Variants in PHF24 observed in about 807,000 individuals in gnomAD.
PHF24 encodes the protein Galpha inhibitory interacting protein.
A neutral mutation model predicts 42.6 loss-of-function variants in PHF24; 25 were observed. The ratio of observed to expected loss-of-function variants is 0.59; its 90% CI spans 0.43 to 0.82. PHF24 has a LOEUF of 0.82. PHF24 is among the 40% of genes least tolerant of loss of function. The pLI is 0.00. For synonymous variants in PHF24, 185 were observed against 204.8 expected (o/e 0.90, Z 0.83); for missense variants, 470 against 538.1 (o/e 0.87, Z 1.25).
the PHF24 span, chr9:34,836,097 A>G: frequency 3.5e-5 from 18 of 510,824 alleles, no homozygotes; most frequent in African/African-American, 7.7e-5. Context: ...AGTAGCATCT[A>G]CCTTCTTGGA....
At chr9:34,754,822 C>A in the PHF24 span, among the ~76,000 whole-genome samples, 2 of 152,110 alleles carry the variant, frequency 1.3e-5, no homozygotes, top group Non-Finnish European at 2.9e-5. Flanking sequence ...CAGCAGATGA[C>A]TTGATAAAGC....
the PHF24 span, chr9:34,710,010 G>A: frequency 1.2e-6 from 2 of 1,614,110 alleles, no homozygotes; most frequent in Non-Finnish European, 1.7e-6. Flanking sequence ...CTTGGGTCCT[G>A]GGGATGCCAA....
the PHF24 span, among the ~76,000 whole-genome samples, chr9:34,759,298 T>C: frequency 6.6e-6 from 1 of 152,176 alleles, no homozygotes; most frequent in East Asian, 1.9e-4. Context: ...CATAGAATTG[T>C]TCAAACAAGC....
At chr9:34,956,070 T>C (rs1375939085), upstream of PHF24, among the ~76,000 whole-genome samples, 1 of 152,236 alleles carries the variant, frequency 6.6e-6, no homozygotes, top group Non-Finnish European at 1.5e-5. Context: ...TCTCCCACCT[T>C]GGAACTTCCA....
chr9:34,980,371 C>T (rs1305915138), exon 8 of PHF24: 1 of 152,286 alleles, frequency 6.6e-6, no homozygotes, highest in African/African-American at 2.4e-5. Context: ...TCTCCCTATT[C>T]CAGAACAGCA....
chr9:34,832,352 G>A, the PHF24 span: 2 of 748,656 alleles, frequency 2.7e-6, no homozygotes, highest in South Asian at 3.2e-5. Flanking sequence ...GACGAGGACA[G>A]TGGTGGGGGT....
the PHF24 span, among the ~76,000 whole-genome samples, chr9:34,901,236 A>G: frequency 6.6e-6 from 1 of 152,254 alleles, no homozygotes; most frequent in Non-Finnish European, 1.5e-5. Context: ...ATACTTCTCA[A>G]TTCATTGTTT....
chr9:34,732,110 C>A, the PHF24 span, among the ~76,000 whole-genome samples: 1 of 151,846 alleles, frequency 6.6e-6, no homozygotes, highest in Non-Finnish European at 1.5e-5. Flanking sequence ...GATCCTCCCA[C>A]CTCGGCCTCC....
At chr9:34,837,646 G>A in the PHF24 span, 1 of 1,515,592 alleles carries the variant, frequency 6.6e-7, no homozygotes, top group African/African-American at 1.4e-5. Context: ...GAGAGATTGG[G>A]ACTTCACCTG....
At chr9:34,712,202 A>C in the PHF24 span, among the ~76,000 whole-genome samples, 1 of 152,030 alleles carries the variant, frequency 6.6e-6, no homozygotes, top group East Asian at 1.9e-4. Context: ...TCTCTTGTAC[A>C]TAATGAGTTA....
At chr9:34,689,987 G>A in the PHF24 span, 1 of 1,614,136 alleles carries the variant, frequency 6.2e-7, no homozygotes, top group East Asian at 2.2e-5. The surrounding 1 kb of genome is among the most constrained non-coding windows in gnomAD (Gnocchi z 4.1). Flanking sequence ...GCTGGTCTGG[G>A]GGTGCACAGA....
chr9:34,779,720 A>ATTGTT, the PHF24 span, among the ~76,000 whole-genome samples: 20 of 152,104 alleles, frequency 1.3e-4, no homozygotes, highest in Admixed American at 3.9e-4. Context: ...TATATGGTCA[A>ATTGTT]TTGTTTTGTT....
chr9:34,915,899 A>G, the PHF24 span, among the ~76,000 whole-genome samples: 1 of 43,016 alleles, frequency 2.3e-5, no homozygotes, highest in Non-Finnish European at 5.0e-5. Context: ...TAACAGAATC[A>G]TGGAAGCGGT....
the PHF24 span, among the ~76,000 whole-genome samples, chr9:34,744,992 A>T: frequency 6.6e-6 from 1 of 152,246 alleles, no homozygotes; most frequent in Non-Finnish European, 1.5e-5. Flanking sequence ...TTAGCACAGA[A>T]TCAGAAGAGA....
chr9:34,816,101 TA>T, the PHF24 span, among the ~76,000 whole-genome samples: 20 of 151,894 alleles, frequency 1.3e-4, no homozygotes, highest in East Asian at 5.8e-4. Flanking sequence ...ATTTTATTTT[TA>T]TTTTTTTATT....
chr9:34,680,716 A>AAAAT, the PHF24 span, among the ~76,000 whole-genome samples: 13 of 141,274 alleles, frequency 9.2e-5, no homozygotes, highest in East Asian at 5.9e-4. Context: ...ATAAAAAAAA[A>AAAAT]AATAAAATAA....
chr9:34,955,253 T>C (rs1429977407), upstream of PHF24, among the ~76,000 whole-genome samples: 1 of 151,472 alleles, frequency 6.6e-6, no homozygotes, highest in Non-Finnish European at 1.5e-5. Flanking sequence ...AAACTTATGG[T>C]CATAAATATC....
At chr9:34,840,904 T>C in the PHF24 span, among the ~76,000 whole-genome samples, 1 of 152,190 alleles carries the variant, frequency 6.6e-6, no homozygotes, top group Non-Finnish European at 1.5e-5. Context: ...AAAAATTCCT[T>C]CTAGTGAAAT....
At chr9:34,750,063 C>A in the PHF24 span, among the ~76,000 whole-genome samples, 1 of 152,106 alleles carries the variant, frequency 6.6e-6, no homozygotes, top group Non-Finnish European at 1.5e-5. Flanking sequence ...CAATACCAGA[C>A]CTGTCCTACA....
Sources: allele counts gnomAD v4.1 joint callset (sites outside exome capture counted in the v4.1 genomes callset), GRCh38; gene constraint gnomAD v4.1.1; non-coding constraint Gnocchi (gnomAD v3.1); transcripts MANE v1.5; gene names NCBI Gene and HGNC (gene_info 2026-07-23, HGNC 2026-07-21).